Variants in PIP4K2A observed in about 807,000 individuals in gnomAD.
PIP4K2A encodes the protein phosphatidylinositol 5-phosphate 4-kinase type-2 alpha.
PIP4K2A carries 14 observed loss-of-function variants against 42.9 expected under a neutral mutation model. The ratio of observed to expected loss-of-function variants is 0.33; its 90% CI spans 0.22 to 0.51. The LOEUF (loss-of-function observed/expected upper bound fraction) is 0.51, where lower values mean the gene tolerates loss of function less well. Ranked by LOEUF, PIP4K2A falls within the 20% of genes least tolerant of loss-of-function variation. PIP4K2A has a pLI of 0.97. For synonymous variants in PIP4K2A, 192 were observed against 192.2 expected (o/e 1.00, Z 0.01); for missense variants, 434 against 519.8 (o/e 0.83, Z 1.61).
intron 3 of PIP4K2A, among the ~76,000 whole-genome samples, chr10:22,599,475 C>CA (rs1485516455): frequency 6.6e-6 from 1 of 152,204 alleles, no homozygotes; most frequent in Non-Finnish European, 1.5e-5. Flanking sequence ...CACACTCATC[C>CA]ACCATGAGGC....
chr10:22,644,291 C>T (rs1455710915), intron 1 of PIP4K2A, among the ~76,000 whole-genome samples: 1 of 152,136 alleles, frequency 6.6e-6, no homozygotes, highest in Non-Finnish European at 1.5e-5. Context: ...CAAAACATGC[C>T]CCAAATCAGC....
intron 4 of PIP4K2A, among the ~76,000 whole-genome samples, chr10:22,575,308 T>C (rs74121809): frequency 3.9e-5 from 6 of 152,318 alleles, no homozygotes; most frequent in African/African-American, 1.4e-4. Flanking sequence ...GCAGTTATTT[T>C]TGAGGCCCAC....
At chr10:22,651,514 A>C (rs1838996328) in intron 1 of PIP4K2A, among the ~76,000 whole-genome samples, 1 of 150,626 alleles carries the variant, frequency 6.6e-6, no homozygotes, top group Non-Finnish European at 1.5e-5. Flanking sequence ...TCACTCCCTC[A>C]CTCTGCTTCT....
chr10:22,626,626 T>TATA (rs141649464), intron 1 of PIP4K2A, among the ~76,000 whole-genome samples: 2,528 of 152,332 alleles, frequency 0.017, 74 homozygotes, highest in African/African-American at 0.057. Flanking sequence ...ACACCTATAT[T>TATA]CCATCATCAC....
chr10:22,608,054 A>C, intron 2 of PIP4K2A, 31 bp from the exon 3 acceptor site: 32 of 1,420,632 alleles, frequency 2.3e-5, no homozygotes, highest in Non-Finnish European at 3.1e-5. Context: ...AATAAAGCTC[A>C]GAGAGAGTCA....
chr10:22,663,061 T>A (rs546262283), intron 1 of PIP4K2A, among the ~76,000 whole-genome samples: 2 of 152,370 alleles, frequency 1.3e-5, no homozygotes, highest in African/African-American at 4.8e-5. Context: ...AGTGACAGTA[T>A]GGTGACCTCT....
In PIP4K2A at chr10:22,536,281, C is replaced by G. The variant is rs1309945005; in HGVS notation, c.*920G>C. ...GAGATGTAGATACCATTGCCCCAAA[C>G]TATGCACTTTTCAGGTAAGCTTTAC... On this transcript the variant is annotated 3_prime_UTR_variant, in exon 10 of 10. Transcript: ENST00000376573. The G allele has an allele frequency of 1.3e-5, 5 of 396,122 alleles. No individual in the cohort carries two copies. 24.5% of individuals were successfully genotyped at this position (396,122 alleles called of 1,614,324 possible).
At chr10:22,708,582 A>C (rs950375925) in intron 1 of PIP4K2A, among the ~76,000 whole-genome samples, 1 of 152,044 alleles carries the variant, frequency 6.6e-6, no homozygotes, top group Non-Finnish European at 1.5e-5. Flanking sequence ...CAAATTCTCT[A>C]ATCTATCATG....
At chr10:22,592,713 C>T (rs1837541046) in intron 3 of PIP4K2A, among the ~76,000 whole-genome samples, 1 of 152,220 alleles carries the variant, frequency 6.6e-6, no homozygotes, top group African/African-American at 2.4e-5. Context: ...AAGCCTCCTC[C>T]TTGCCCCAAC....
chr10:22,547,305 G>C (rs967758824), intron 7 of PIP4K2A, among the ~76,000 whole-genome samples: 1 of 152,206 alleles, frequency 6.6e-6, no homozygotes, highest in Admixed American at 6.5e-5. Context: ...AGCCTCCACT[G>C]TGCTCTCACA....
chr10:22,637,598 T>G (rs1400290898), intron 1 of PIP4K2A, among the ~76,000 whole-genome samples: 2 of 152,180 alleles, frequency 1.3e-5, no homozygotes, highest in Non-Finnish European at 2.9e-5. Flanking sequence ...TTATTTGTTC[T>G]TTTCTTCTTT....
chr10:22,673,965 G>A (rs1455708868), intron 1 of PIP4K2A, among the ~76,000 whole-genome samples: 2 of 152,184 alleles, frequency 1.3e-5, no homozygotes, highest in African/African-American at 4.8e-5. Context: ...GAATATTACA[G>A]CCAAATAAAA....
chr10:22,564,393 T>C (rs1836786802), intron 6 of PIP4K2A, among the ~76,000 whole-genome samples: 1 of 152,208 alleles, frequency 6.6e-6, no homozygotes. Flanking sequence ...AAAATCCTGC[T>C]AGTGGTAGTC....
chr10:22,649,707 G>A (rs984034105), intron 1 of PIP4K2A, among the ~76,000 whole-genome samples: 5 of 152,170 alleles, frequency 3.3e-5, no homozygotes, highest in Non-Finnish European at 7.3e-5. Context: ...GACCAGGAAC[G>A]GGGTGGACAG....
At chr10:22,543,209 G>A (rs771732280) in intron 7 of PIP4K2A, among the ~76,000 whole-genome samples, 41 of 152,098 alleles carry the variant, frequency 2.7e-4, no homozygotes, top group Admixed American at 5.9e-4. Flanking sequence ...CCTTACAGAC[G>A]AGGAGAGGAC....
chr10:22,644,450 T>A (rs575641146), intron 1 of PIP4K2A, among the ~76,000 whole-genome samples: 5 of 152,228 alleles, frequency 3.3e-5, no homozygotes, highest in African/African-American at 1.2e-4. Context: ...TTATTTCACA[T>A]CCCTGCCCAA....
intron 1 of PIP4K2A, among the ~76,000 whole-genome samples, chr10:22,639,431 C>T (rs1838733447): frequency 6.7e-6 from 1 of 148,450 alleles, no homozygotes; most frequent in South Asian, 2.1e-4. Context: ...CTAATTTCTC[C>T]ATTTGAGAAT....
intron 1 of PIP4K2A, among the ~76,000 whole-genome samples, chr10:22,643,965 G>A (rs754530803): frequency 6.6e-5 from 10 of 152,122 alleles, no homozygotes; most frequent in Admixed American, 3.3e-4. Flanking sequence ...ACCATCTGCA[G>A]TGCAATGGCT....
At chr10:22,599,992 CG>C (rs139681924) in intron 3 of PIP4K2A, among the ~76,000 whole-genome samples, 9,682 of 152,250 alleles carry the variant, frequency 0.064, 805 homozygotes, top group African/African-American at 0.19. Context: ...TTTCCGCAGT[CG>C]GAGGTCCAGG....
Sources: gnomAD v4.1 joint callset for allele counts (sites outside exome capture counted in the v4.1 genomes callset) on GRCh38, gnomAD v4.1.1 for gene constraint, MANE v1.5 for transcripts, NCBI Gene and HGNC (gene_info 2026-07-23, HGNC 2026-07-21) for gene names.